Variants in DYNC2H1 observed in about 807,000 individuals in gnomAD.
DYNC2H1 encodes dynein cytoplasmic 2 heavy chain 1.
DYNC2H1 carries 410 observed loss-of-function variants against 570.0 expected under a neutral mutation model. The observed-to-expected ratio is 0.72, with a 90% CI of 0.66 to 0.78. The LOEUF (loss-of-function observed/expected upper bound fraction) is 0.78. Among genes scored for constraint, DYNC2H1 ranks in the 30% least tolerant of loss-of-function variants. The pLI is 0.00. For missense variants in DYNC2H1, 4,865 were observed against 5,046.4 expected, an observed-to-expected ratio of 0.96 and a Z score of 1.09; for synonymous variants, 1,688 against 1,677.6, an observed-to-expected ratio of 1.01 and a Z score of -0.15.
At chr11:103,405,726 A>T (rs537447288) in intron 84 of DYNC2H1, 10 of 152,128 alleles carry the variant, frequency 6.6e-5, no homozygotes, top group Admixed American at 6.6e-4. Context: ...ATTCTGCTCG[A>T]ATTAGAAGGC....
Position 103,115,157 on chromosome 11 carries a change from T to C in DYNC2H1, c.503-20T>C, listed in dbSNP as rs777019705. 6.4e-5 allele frequency: 100 copies of C among 1,563,642 alleles called. No individual in the cohort carries two copies. The highest frequency in any genetic ancestry group is 7.8e-5 in the Non-Finnish European group (89 of 1,146,676). On this transcript the variant is annotated intron_variant, in intron 3 of 88. Coordinates refer to ENST00000375735, the MANE Select transcript of DYNC2H1 (RefSeq NM_001377.3). ...TCTCTGATATTCTATGCCATTTTTT[T>C]CCCCTCTTGACTTTTATAGGTATCC...
At chr11:103,437,907 A>C (rs1027108882) in intron 85 of DYNC2H1, among the ~76,000 whole-genome samples, 1 of 152,116 alleles carries the variant, frequency 6.6e-6, no homozygotes, top group African/African-American at 2.4e-5. Context: ...AATACTCTTT[A>C]AAACAATTTT....
chr11:103,289,180 A>C lies in DYNC2H1; in HGVS notation c.11095+1575A>C, dbSNP rs1367813610. Among the ~76,000 whole-genome samples the C allele has an allele frequency of 2.0e-5, 3 of 152,078 alleles. No homozygotes were observed. Among genetic ancestry groups the C allele is most frequent in the African/African-American group, 7.2e-5 (3 of 41,412 alleles). Reference sequence around the variant, plus strand: ...GACCAATCAGCACTCCCCACTTCCTAAGCCCCTACTCACCAAATCGTCTTT... The same window carrying C: ...GACCAATCAGCACTCCCCACTTCCTCAGCCCCTACTCACCAAATCGTCTTT... On this transcript the variant is annotated intron_variant, in intron 75 of 88. Coordinates refer to ENST00000375735, the MANE Select transcript of DYNC2H1 (RefSeq NM_001377.3). The surrounding 1 kb of genome is among the most constrained non-coding windows in gnomAD (Gnocchi z 4.2).
chr11:103,446,031 CAG>C lies in DYNC2H1; in HGVS notation c.12457-9152_12457-9151del, dbSNP rs1446363403. Among the ~76,000 whole-genome samples, 1 of 125,772 alleles carries C rather than the reference CAG, an allele frequency of 8.0e-6. No homozygotes were observed. The highest frequency in any genetic ancestry group is 1.7e-5 in the Non-Finnish European group (1 of 59,912). The allele number at this position is 125,772 out of a possible 152,430, so 82.5% of individuals were successfully genotyped here. ...GGATACTGACAATATGGTAATAGAG[CAG>C]AGTTTTGTTGTTGTTGTTGTTGTTG... On this transcript the variant is annotated intron_variant, in intron 85 of 88. Coordinates refer to ENST00000375735, the MANE Select transcript of DYNC2H1 (RefSeq NM_001377.3). The surrounding 1 kb of genome is among the most constrained non-coding windows in gnomAD (Gnocchi z 4.5).
Position 103,277,217 on chromosome 11 carries a change from G to C in DYNC2H1, c.10696-3131G>C, listed in dbSNP as rs1201856452. ...GGTTTTATTCTTCACAAATTTATTT[G>C]TGCTCATATAGTTATACAAAGTGTG... is the stretch of plus-strand genomic sequence containing the variant. On this transcript the variant is annotated intron_variant, in intron 70 of 88. Coordinates refer to ENST00000375735, the MANE Select transcript of DYNC2H1 (RefSeq NM_001377.3). This position sits in a 1 kb window ranked among gnomAD's most constrained non-coding sequence, Gnocchi z 4.3. Among the ~76,000 whole-genome samples, 3 of 151,930 alleles carry C rather than the reference G, an allele frequency of 2.0e-5. No individual in the cohort carries two copies. Among genetic ancestry groups the C allele is most frequent in the East Asian group, 3.9e-4 (2 of 5,170 alleles).
At chr11:103,161,630 A>G (rs775790631) in intron 29 of DYNC2H1, among the ~76,000 whole-genome samples, 72 of 152,152 alleles carry the variant, frequency 4.7e-4, no homozygotes, top group Admixed American at 2.0e-3. Context: ...CTTTCAATTA[A>G]AAATTAAATG....
intron 84 of DYNC2H1, among the ~76,000 whole-genome samples, chr11:103,414,244 T>A (rs1056365173): frequency 1.3e-5 from 2 of 152,168 alleles, no homozygotes; most frequent in Admixed American, 6.5e-5. Flanking sequence ...CTACAGACAT[T>A]AAAAGGATAT....
intron 82 of DYNC2H1, among the ~76,000 whole-genome samples, chr11:103,342,762 C>T (rs1434388644): frequency 6.6e-6 from 1 of 151,874 alleles, no homozygotes; most frequent in African/African-American, 2.4e-5. Context: ...CCTTGGCCTC[C>T]CAAAGCCACT....
At position 103,259,950 on chromosome 11, in the gene DYNC2H1, T is replaced by C; in HGVS notation, c.10668T>C (p.Tyr3556=). 1 of 1,524,646 alleles carries C rather than the reference T, an allele frequency of 6.6e-7. No homozygotes were observed. The highest frequency in any genetic ancestry group is 1.3e-5 in the South Asian group (1 of 78,856). The allele number at this position is 1,524,646 out of a possible 1,614,324, so 94.4% of individuals were successfully genotyped here. A position where few individuals can be genotyped will look rare whatever the true frequency, so the allele number is the denominator to read the frequency against. The change falls in exon 70 of 89, where the codon TAT becomes TAC. Residue 3556 remains tyrosine, a synonymous_variant. Coordinates refer to ENST00000375735, the MANE Select transcript of DYNC2H1 (RefSeq NM_001377.3). ...TCAGCTCATTACAACATATGGTATA[T>C]GAATATATATGTCGTTGTCTATTTA... ...SLISSLQHMV[Y]EYICRCLFKA...
chr11:103,343,718 C>CAATAAAATAA (rs111312968), intron 82 of DYNC2H1, among the ~76,000 whole-genome samples: 8,203 of 151,574 alleles, frequency 0.054, 265 homozygotes, highest in Non-Finnish European at 0.077. Context: ...CCTTGTCAAT[C>CAATAAAATAA]AATAAAATAA....
chr11:103,390,725 T>TATAA (rs1295018329), intron 83 of DYNC2H1, among the ~76,000 whole-genome samples: 1 of 152,224 alleles, frequency 6.6e-6, no homozygotes, highest in East Asian at 1.9e-4. Flanking sequence ...CTTGCTTGTC[T>TATAA]ATAAAGTATT....
rs546009823 is a variant in DYNC2H1, at chr11:103,286,108, C to A, written c.10891-147C>A. The A allele has an allele frequency of 5.5e-5, 61 of 1,111,712 alleles. 1 individual carries two copies. The South Asian group carries it at 8.2e-4, about 15-fold the overall frequency. 68.9% of individuals were successfully genotyped at this position (1,111,712 alleles called of 1,614,324 possible). ...GTGAGTTTACCATAGAGTTGCCAAC[C>A]TAGAAATAATTAGACAAGGCAACAC... On this transcript the variant is annotated intron_variant, in intron 73 of 88. Coordinates refer to ENST00000375735, the MANE Select transcript of DYNC2H1 (RefSeq NM_001377.3).
At chr11:103,447,021 G>T (rs575117) in intron 85 of DYNC2H1, among the ~76,000 whole-genome samples, 1 of 151,820 alleles carries the variant, frequency 6.6e-6, no homozygotes, top group African/African-American at 2.4e-5. Flanking sequence ...AACACCATCA[G>T]GGTTTTTAGC....
In DYNC2H1 at chr11:103,181,359, G is replaced by T. The variant is rs1028894863; in HGVS notation, c.6348-398G>T. The stretch of plus-strand genomic sequence containing the variant: ...TTTAGTATGTCTGGAGAGGGATTTG[G>T]GATTTTACATTTCTAACAGACCACT... On this transcript the variant is annotated intron_variant, in intron 39 of 88. Transcript: ENST00000375735. This position sits in a 1 kb window ranked among gnomAD's most constrained non-coding sequence, Gnocchi z 5.0. Among the ~76,000 whole-genome samples the T allele has an allele frequency of 2.0e-5, 3 of 151,440 alleles. No individual in the cohort carries two copies. Among genetic ancestry groups the T allele is most frequent in the African/African-American group, 7.3e-5 (3 of 41,314 alleles).
intron 84 of DYNC2H1, chr11:103,402,367 A>G (rs1942678325): frequency 6.6e-6 from 1 of 152,172 alleles, no homozygotes; most frequent in Non-Finnish European, 1.5e-5. Context: ...TTTTTGGACA[A>G]TTGTTGTACG....
chr11:103,137,672 C>A (rs1859648257), intron 17 of DYNC2H1, among the ~76,000 whole-genome samples: 1 of 151,926 alleles, frequency 6.6e-6, no homozygotes, highest in Non-Finnish European at 1.5e-5. Context: ...ATGCCTCCAG[C>A]TTTGTTCTTT....
At chr11:103,421,993 AATG>A (rs1291658422) in intron 84 of DYNC2H1, among the ~76,000 whole-genome samples, 3 of 152,138 alleles carry the variant, frequency 2.0e-5, no homozygotes, top group African/African-American at 7.2e-5. Flanking sequence ...CACAATCAGA[AATG>A]ATAAGGGAGA....
intron 21 of DYNC2H1, 40 bp from the exon 22 acceptor site, chr11:103,153,263 T>C: frequency 6.8e-7 from 1 of 1,469,358 alleles, no homozygotes; most frequent in Non-Finnish European, 9.0e-7. Context: ...AAATGAAATT[T>C]TACTCTGCAT....
chr11:103,420,041 T>C (rs968977274), intron 84 of DYNC2H1, among the ~76,000 whole-genome samples: 9 of 151,782 alleles, frequency 5.9e-5, no homozygotes, highest in African/African-American at 2.2e-4. Context: ...ATCTCAGAGC[T>C]TGAAGACTGT....
Sources: gnomAD v4.1 joint callset for allele counts (sites outside exome capture counted in the v4.1 genomes callset) on GRCh38, gnomAD v4.1.1 for gene constraint, Gnocchi (gnomAD v3.1) non-coding constraint, MANE v1.5 for transcripts, NCBI Gene and HGNC (gene_info 2026-07-23, HGNC 2026-07-21) for gene names.